PIBF1: variants seen among roughly 807,000 people sequenced by gnomAD.
The protein encoded by PIBF1 is progesterone-induced-blocking factor 1.
A neutral mutation model predicts 112.5 loss-of-function variants in PIBF1; 90 were observed. That is an observed-to-expected ratio of 0.80 (90% CI 0.67 to 0.95). PIBF1 has a LOEUF of 0.95. Ranked by LOEUF, PIBF1 falls within the 40% of genes least tolerant of loss-of-function variation. The pLI, the probability that PIBF1 is intolerant of heterozygous loss-of-function variation, is 0.00. For missense variants in PIBF1, 915 were observed against 852.3 expected (o/e 1.07, Z -0.92); for synonymous variants, 301 against 288.6 (o/e 1.04, Z -0.44).
At chr13:72,799,506 T>A (rs1249356295) in intron 5 of PIBF1, among the ~76,000 whole-genome samples, 1 of 152,186 alleles carries the variant, frequency 6.6e-6, no homozygotes, top group East Asian at 1.9e-4. Context: ...TTTTCTTTTC[T>A]TCTCCTAGCA....
chr13:72,953,407 G>C (rs2042356408), intron 14 of PIBF1, among the ~76,000 whole-genome samples: 1 of 152,138 alleles, frequency 6.6e-6, no homozygotes, highest in Admixed American at 6.5e-5. Flanking sequence ...TGTGAATCCT[G>C]CTACTCCTCT....
At chr13:72,844,773 A>ACG (rs2037781821) in intron 9 of PIBF1, among the ~76,000 whole-genome samples, 2 of 115,416 alleles carry the variant, frequency 1.7e-5, no homozygotes, top group African/African-American at 6.3e-5. Flanking sequence ...ACACACACAC[A>ACG]CACACACACA....
At chr13:72,838,310 A>T (rs896508685) in intron 9 of PIBF1, among the ~76,000 whole-genome samples, 2 of 152,228 alleles carry the variant, frequency 1.3e-5, no homozygotes, top group Admixed American at 6.5e-5. Context: ...AAATGATAGG[A>T]TAAAAGATGA....
intron 13 of PIBF1, among the ~76,000 whole-genome samples, chr13:72,927,945 GTATATATATATATACACA>G (rs2041543045): frequency 1.1e-5 from 1 of 87,854 alleles, no homozygotes; most frequent in African/African-American, 5.8e-5. Context: ...ATATATGTGT[GTATATATATATATACACA>G]TATATATATA....
rs35990887 is a variant in PIBF1 at position 72,842,723 on chromosome 13, C to A, written c.1223+7355C>A. On this transcript the variant is annotated intron_variant, in intron 9 of 17. Transcript: ENST00000326291. ...ACAAACTTCTTTTGTTCATATCTTACCAGGTATCTGTATAATGTTTTAAGT... is the reference window on the plus strand; with the variant it reads ...ACAAACTTCTTTTGTTCATATCTTAACAGGTATCTGTATAATGTTTTAAGT... Among the ~76,000 whole-genome samples the A allele has an allele frequency of 6.9e-3, 1,054 of 152,238 alleles. 15 individuals carry two copies. The highest frequency in any genetic ancestry group is 0.024 in the African/African-American group (1,017 of 41,548).
chr13:72,827,208 TTTG>T (rs1432528711), intron 7 of PIBF1, 90 bp downstream of exon 7: 1 of 550,418 alleles, frequency 1.8e-6, no homozygotes, highest in African/African-American at 2.0e-5. Context: ...AGACATTTTT[TTTG>T]TTATGTAGTT....
intron 11 of PIBF1, among the ~76,000 whole-genome samples, chr13:72,895,155 A>G (rs1439594295): frequency 1.3e-5 from 2 of 152,010 alleles, no homozygotes; most frequent in East Asian, 1.9e-4. Flanking sequence ...AGATGAAATT[A>G]TATCTTATGT....
intron 15 of PIBF1, among the ~76,000 whole-genome samples, chr13:72,969,931 T>C (rs997073454): frequency 5.3e-5 from 8 of 152,218 alleles, no homozygotes; most frequent in Admixed American, 2.0e-4. Flanking sequence ...AAAAGCGTTA[T>C]CAAGTTATTA....
At chr13:72,841,980 A>C (rs552507243) in intron 9 of PIBF1, among the ~76,000 whole-genome samples, 13 of 152,332 alleles carry the variant, frequency 8.5e-5, no homozygotes, top group African/African-American at 2.9e-4. Context: ...GTCATCTGAT[A>C]ATATTATGGG....
intron 16 of PIBF1, among the ~76,000 whole-genome samples, chr13:72,995,422 G>A (rs1020023203): frequency 6.6e-6 from 1 of 152,022 alleles, no homozygotes; most frequent in African/African-American, 2.4e-5. Flanking sequence ...TTAAAACAGT[G>A]CGACATGGGT....
chr13:72,925,757 G>T (rs1231031579), intron 13 of PIBF1, among the ~76,000 whole-genome samples: 1 of 151,842 alleles, frequency 6.6e-6, no homozygotes, highest in Non-Finnish European at 1.5e-5. Context: ...GGCCAGGCTG[G>T]TCTCGAACTC....
chr13:72,845,950 C>T (rs571946410), intron 9 of PIBF1, among the ~76,000 whole-genome samples: 2 of 152,280 alleles, frequency 1.3e-5, no homozygotes, highest in East Asian at 3.9e-4. Flanking sequence ...CTTCACCTTA[C>T]TAGCAGTATG....
chr13:72,869,948 A>C (rs2039093298), intron 10 of PIBF1, among the ~76,000 whole-genome samples: 1 of 152,190 alleles, frequency 6.6e-6, no homozygotes, highest in Admixed American at 6.5e-5. Flanking sequence ...AGGTAGAATT[A>C]TGAAAAAGTT....
intron 8 of PIBF1, among the ~76,000 whole-genome samples, chr13:72,832,413 C>CT (rs1242739943): frequency 2.6e-5 from 4 of 152,026 alleles, no homozygotes; most frequent in Non-Finnish European, 4.4e-5. Context: ...CCAGTTGTTC[C>CT]TTCCCATGTT....
At chr13:72,975,332 G>A (rs1025760816) in intron 16 of PIBF1, among the ~76,000 whole-genome samples, 8 of 152,220 alleles carry the variant, frequency 5.3e-5, no homozygotes, top group Admixed American at 4.6e-4. Flanking sequence ...TGGGATTACA[G>A]GTGTGAGCCA....
intron 17 of PIBF1, among the ~76,000 whole-genome samples, chr13:73,010,810 C>CTTTTTCTTTTTTTTTTT (rs2044174823): frequency 2.5e-5 from 1 of 40,304 alleles, no homozygotes; most frequent in Non-Finnish European, 4.4e-5. Context: ...ATTAACTTTT[C>CTTTTTCTTTTTTTTTTT]TTTTTTTTTT....
Position 72,827,852 on chromosome 13 carries a change from A to G in PIBF1, c.1035A>G (p.Gln345=), listed in dbSNP as rs199857463. 3.2e-5 allele frequency: 51 copies of G among 1,595,104 alleles called. No homozygotes were observed. The highest frequency in any genetic ancestry group is 3.9e-5 in the Non-Finnish European group (46 of 1,170,646). ...AAGAGGATCGCCTTGAAAGACTTCA[A>G]GCTCAACTGGAAGAAAGCAAAAAGG... ...AHEEDRLERL[Q]AQLEESKKAR... The change falls in exon 8 of 18, where the codon CAA becomes CAG. Residue 345 remains glutamine (Q), a synonymous_variant. Coordinates refer to ENST00000326291, the MANE Select transcript of PIBF1 (RefSeq NM_006346.4).
intron 17 of PIBF1, among the ~76,000 whole-genome samples, chr13:73,001,586 T>TTTTTTTTTTTTTTTTTTTTTTTG (rs2043869982): frequency 7.1e-6 from 1 of 141,424 alleles, no homozygotes; most frequent in Non-Finnish European, 1.5e-5. Flanking sequence ...GCTTGACTTT[T>TTTTTTTTTTTTTTTTTTTTTTTG]TTTTTTTTTT....
chr13:72,808,855 A>G (rs928081076), intron 5 of PIBF1, among the ~76,000 whole-genome samples: 1 of 152,222 alleles, frequency 6.6e-6, no homozygotes, highest in Admixed American at 6.5e-5. Context: ...AAAAAATACC[A>G]GGAAACTCAC....
Sources: gnomAD v4.1 joint callset for allele counts (sites outside exome capture counted in the v4.1 genomes callset) on GRCh38, gnomAD v4.1.1 for gene constraint, MANE v1.5 for transcripts, NCBI Gene and HGNC (gene_info 2026-07-23, HGNC 2026-07-21) for gene names.